GZMM: variants seen among roughly 807,000 people sequenced by gnomAD.
GZMM encodes granzyme M, also known as HU-Met-1.
In GZMM, 23 loss-of-function variants were observed where a neutral mutation model predicts 19.2. The ratio of observed to expected loss-of-function variants is 1.20; its 90% CI spans 0.86 to 1.69. The LOEUF (loss-of-function observed/expected upper bound fraction) is 1.69. Among genes scored for constraint, GZMM ranks in the 40% most tolerant of loss-of-function variants. The pLI, the probability that GZMM is intolerant of heterozygous loss-of-function variation, is 0.00. For synonymous variants in GZMM, 178 were observed against 160.2 expected (o/e 1.11, Z -0.84); for missense variants, 373 against 352.2 (o/e 1.06, Z -0.47).
In GZMM at chr19:548,681, T is replaced by G. The variant is rs748433132; in HGVS notation, c.348+4T>G. On this transcript the variant is annotated splice_donor_region_variant and intron_variant, in intron 3 of 4. Transcript: ENST00000264553. ...GAACGACCTCGCGCTGCTTCAGGTG[T>G]GCAGGGACGGGACAGGGAGAACTGG... 6.2e-7 allele frequency: 1 copy of G among 1,610,294 alleles called. No homozygotes were observed. The highest frequency in any genetic ancestry group is 1.3e-5 in the African/African-American group (1 of 74,724).
chr19:549,084 C>A lies in GZMM; in HGVS notation c.511C>A (p.Leu171Met). Residue 171 changes from leucine (L) to methionine (M), a missense_variant, in exon 4 of 5, where the codon CTG (leucine) becomes ATG (methionine). Physicochemically the swap from Leu to Met is conservative, Grantham distance 15. Coordinates refer to ENST00000264553, the MANE Select transcript of GZMM (RefSeq NM_005317.4). ...GCTGCGGGAGCTGGACCTCCAAGTG[C>A]TGGACACCCGCATGTGTAACAACAG... ...RVLRELDLQV[L>M]DTRMCNNSRF... 1.3e-6 allele frequency: 2 copies of A among 1,587,744 alleles called. No individual in the cohort carries two copies. Among genetic ancestry groups the A allele is most frequent in the Non-Finnish European group, 1.7e-6 (2 of 1,168,232 alleles).
At position 549,709 on chromosome 19, in the gene GZMM, C is replaced by A. The variant is rs1376206285; in HGVS notation, c.692C>A (p.Thr231Asn). Residue 231 changes from threonine (T) to asparagine (N), a missense_variant, in exon 5 of 5, where the codon ACT becomes AAT. Physicochemically the swap from Thr to Asn is moderately conservative, Grantham distance 65. Transcript: ENST00000264553. ...RVLSFSSRVC[T>N]DIFKPPVATA... ...CTGTCCTTCAGCTCCAGGGTCTGCA[C>A]TGACATCTTCAAGCCTCCCGTGGCC... 1 of 1,613,666 alleles carries A rather than the reference C, an allele frequency of 6.2e-7. No homozygotes were observed. Among genetic ancestry groups the A allele is most frequent in the African/African-American group, 1.3e-5 (1 of 74,934 alleles).
At chr19:549,605 G>T in intron 4 of GZMM, 25 bp from the exon 5 acceptor site, 1 of 1,603,210 alleles carries the variant, frequency 6.2e-7, no homozygotes, top group Non-Finnish European at 8.5e-7. Flanking sequence ...TGCAGAGGCT[G>T]AGCTGCGGTG....
chr19:544,361 C>A (rs140772033), intron 1 of GZMM, among the ~76,000 whole-genome samples: 1 of 152,146 alleles, frequency 6.6e-6, no homozygotes, highest in East Asian at 1.9e-4. Flanking sequence ...CCCATCCTCC[C>A]GGCAGCAGCC....
Position 547,341 on chromosome 19 carries a change from C to G in GZMM, c.117C>G (p.Tyr39Ter). Residue 39 changes from tyrosine to a stop codon, truncating the protein, a stop_gained, in exon 2 of 5, where the codon TAC (tyrosine) becomes TAG (stop). Transcript: ENST00000264553. LOFTEE classifies it high-confidence loss of function. Reference sequence around the variant, plus strand: ...AGGTGATCCCCCACTCGCGCCCGTACATGGCCTCACTGCAGAGAAATGGCT... The same window carrying G: ...AGGTGATCCCCCACTCGCGCCCGTAGATGGCCTCACTGCAGAGAAATGGCT... ...GREVIPHSRPYMASLQRNGSH... is the reference protein window; with the variant it reads ...GREVIPHSRP 6.3e-7 allele frequency: 1 copy of G among 1,579,896 alleles called. No individual in the cohort carries two copies. Among genetic ancestry groups the G allele is most frequent in the East Asian group, 2.4e-5 (1 of 41,240 alleles).
intron 1 of GZMM, among the ~76,000 whole-genome samples, chr19:544,959 CAA>C (rs1491356762): frequency 4.2e-5 from 5 of 117,800 alleles, no homozygotes; most frequent in Admixed American, 8.1e-5. Flanking sequence ...TCCCTCCTTT[CAA>C]CCTCCCTCCT....
chr19:545,302 G>A, intron 1 of GZMM, among the ~76,000 whole-genome samples: 1 of 152,136 alleles, frequency 6.6e-6, no homozygotes, highest in East Asian at 1.9e-4. Flanking sequence ...GCCGGTGGGG[G>A]AAAGGTACGC....
chr19:549,483 G>A, intron 4 of GZMM, 147 bp from the exon 5 acceptor site: 1 of 817,128 alleles, frequency 1.2e-6, no homozygotes. Context: ...CGGGAGATGG[G>A]GAGGGGACAC....
At chr19:546,229 A>G (rs1250471293) in intron 1 of GZMM, among the ~76,000 whole-genome samples, 1 of 152,142 alleles carries the variant, frequency 6.6e-6, no homozygotes, top group Non-Finnish European at 1.5e-5. Flanking sequence ...TGCACTATAC[A>G]ATTTACTTAT....
chr19:544,379 A>C (rs1980176757), intron 1 of GZMM, among the ~76,000 whole-genome samples: 1 of 152,140 alleles, frequency 6.6e-6, no homozygotes, highest in Admixed American at 6.5e-5. Flanking sequence ...GCCAGAAGGC[A>C]GGGGTCACGC....
rs991127619 is a variant in GZMM at position 549,612 on chromosome 19, G to T, written c.613-18G>T. ...TCAGCAGGTGCAGAGGCTGAGCTGC[G>T]GTGTGTCGTCCCTGCAGGGTGACTC... On this transcript the variant is annotated intron_variant, in intron 4 of 4. Transcript: ENST00000264553. 1 of 1,605,822 alleles carries T rather than the reference G, an allele frequency of 6.2e-7. No individual in the cohort carries two copies. Among genetic ancestry groups the T allele is most frequent in the Non-Finnish European group, 8.5e-7 (1 of 1,179,008 alleles).
At position 547,331 on chromosome 19, in the gene GZMM, C is replaced by G. The variant is rs145060399; in HGVS notation, c.107C>G (p.Ser36Trp). Reference sequence around the variant, plus strand: ...GGGGGCCGGGAGGTGATCCCCCACTCGCGCCCGTACATGGCCTCACTGCAG... The same window carrying G: ...GGGGGCCGGGAGGTGATCCCCCACTGGCGCCCGTACATGGCCTCACTGCAG... ...IIGGREVIPH[S>W]RPYMASLQRN... The change falls in exon 2 of 5, where the codon TCG (serine) becomes TGG (tryptophan). Residue 36 changes from serine to tryptophan, a missense_variant. Ser to Trp is a radical substitution (Grantham distance 177). Coordinates refer to ENST00000264553, the MANE Select transcript of GZMM (RefSeq NM_005317.4). 4 of 1,576,678 alleles carry G rather than the reference C, an allele frequency of 2.5e-6. No homozygotes were observed. The highest frequency in any genetic ancestry group is 3.4e-6 in the Non-Finnish European group (4 of 1,162,834).
chr19:549,829 A>C lies in GZMM; in HGVS notation c.*38A>C, dbSNP rs111763479. The C allele has an allele frequency of 0.084, 110,385 of 1,307,424 alleles. 4,362 individuals are homozygous for C. Among genetic ancestry groups the C allele is most frequent in the Middle Eastern group, 0.15 (663 of 4,458 alleles). 81.0% of individuals were successfully genotyped at this position (1,307,424 alleles called of 1,614,324 possible). A position where few individuals can be genotyped will look rare whatever the true frequency, so the allele number is the denominator to read the frequency against. Reference sequence around the variant, plus strand: ...ATGGGGACCCCCTCGCTGTCTCCACAGGACCCTTCCCCTCCAGGGGTGCAG... The same window carrying C: ...ATGGGGACCCCCTCGCTGTCTCCACCGGACCCTTCCCCTCCAGGGGTGCAG... On this transcript the variant is annotated 3_prime_UTR_variant, in exon 5 of 5. Coordinates refer to ENST00000264553, the MANE Select transcript of GZMM (RefSeq NM_005317.4).
intron 1 of GZMM, among the ~76,000 whole-genome samples, chr19:545,069 C>CCCAT (rs1275169179): frequency 6.9e-6 from 1 of 144,724 alleles, no homozygotes; most frequent in Admixed American, 6.7e-5. Flanking sequence ...CCTCCTCCCT[C>CCCAT]CCATCCATCC....
At position 549,716 on chromosome 19, in the gene GZMM, C is replaced by T. The variant is rs1410506277; in HGVS notation, c.699C>T (p.Ile233=). 2 of 1,613,798 alleles carry T rather than the reference C, an allele frequency of 1.2e-6. No individual in the cohort carries two copies. The highest frequency in any genetic ancestry group is 1.1e-5 in the South Asian group (1 of 91,082). The change falls in exon 5 of 5, where the codon ATC becomes ATT. Residue 233 remains isoleucine (I), a synonymous_variant. Coordinates refer to ENST00000264553, the MANE Select transcript of GZMM (RefSeq NM_005317.4). ...TCAGCTCCAGGGTCTGCACTGACAT[C>T]TTCAAGCCTCCCGTGGCCACCGCTG... ...LSFSSRVCTD[I]FKPPVATAVA... is the part of the protein sequence containing the mutation.
intron 1 of GZMM, among the ~76,000 whole-genome samples, chr19:546,302 G>C (rs933814453): frequency 7.9e-5 from 12 of 152,082 alleles, no homozygotes; most frequent in African/African-American, 2.4e-4. Flanking sequence ...ACTTTGGGAG[G>C]CCAAGGAGGG....
chr19:546,198 T>C (rs1167220761), intron 1 of GZMM, among the ~76,000 whole-genome samples: 1 of 152,224 alleles, frequency 6.6e-6, no homozygotes, highest in East Asian at 1.9e-4. Flanking sequence ...ATAATTTTTG[T>C]ACAGCTTTAT....
intron 1 of GZMM, among the ~76,000 whole-genome samples, chr19:544,658 T>C (rs925364968): frequency 6.6e-5 from 10 of 151,908 alleles, no homozygotes. Flanking sequence ...CCGTCAGTCA[T>C]CATCATCCTT....
intron 1 of GZMM, among the ~76,000 whole-genome samples, chr19:546,755 A>G (rs1362471157): frequency 2.7e-5 from 4 of 150,878 alleles, no homozygotes; most frequent in South Asian, 2.1e-4. Flanking sequence ...GGAGAATGGC[A>G]TGAACCCAGG....
Sources: gnomAD v4.1 joint callset for allele counts (sites outside exome capture counted in the v4.1 genomes callset) on GRCh38, gnomAD v4.1.1 for gene constraint, MANE v1.5 for transcripts, NCBI Gene and HGNC (gene_info 2026-07-23, HGNC 2026-07-21) for gene names.